Variants in TGOLN2 observed in about 807,000 individuals in gnomAD.
TGOLN2 encodes the protein trans-Golgi network integral membrane protein 2.
Under a neutral mutation model 31.3 loss-of-function variants are expected in TGOLN2, and 19 were observed. The observed-to-expected ratio is 0.61, with a 90% CI of 0.42 to 0.89. The LOEUF (loss-of-function observed/expected upper bound fraction) is 0.89, where lower values mean the gene tolerates loss of function less well. Ranked by LOEUF, TGOLN2 falls within the 40% of genes least tolerant of loss-of-function variation. TGOLN2 has a pLI of 0.00. For missense variants in TGOLN2, 540 were observed against 559.2 expected (o/e 0.97, Z 0.35); for synonymous variants, 222 against 226.7 (o/e 0.98, Z 0.19).
At chr2:85,325,377 T>C (rs905540281) in intron 2 of TGOLN2, among the ~76,000 whole-genome samples, 2 of 152,196 alleles carry the variant, frequency 1.3e-5, no homozygotes, top group African/African-American at 4.8e-5. Flanking sequence ...CAAATGTACT[T>C]TTTCACCCCA....
rs1034116614 is a variant in TGOLN2, at chr2:85,326,639, T to C, written c.1093A>G (p.Ser365Gly). 37 of 1,613,914 alleles carry C rather than the reference T, an allele frequency of 2.3e-5. No individual in the cohort carries two copies. Among genetic ancestry groups the C allele is most frequent in the Non-Finnish European group, 3.1e-5 (37 of 1,179,896 alleles). The change falls in exon 2 of 4, where the codon AGC (serine) becomes GGC (glycine). Residue 365 changes from serine (S) to glycine (G), a missense_variant. By Grantham distance (56) the Ser-to-Gly change is moderately conservative (BLOSUM62 0). Coordinates refer to ENST00000377386, the MANE Select transcript of TGOLN2 (RefSeq NM_006464.4). ...REGTLSDSTG[S>G]EKDDLYPNGS... Reference sequence around the variant, plus strand: ...TTCGGATAAAGGTCATCCTTCTCGCTACCCGTGGAATCCGAAAGTGTCCCT... The same window carrying C: ...TTCGGATAAAGGTCATCCTTCTCGCCACCCGTGGAATCCGAAAGTGTCCCT...
Position 85,327,363 on chromosome 2 carries a change from A to T in TGOLN2, c.369T>A (p.Thr123=). The change falls in exon 2 of 4, where the codon ACT becomes ACA. Residue 123 remains threonine, a synonymous_variant. Transcript: ENST00000377386. ...TCTGCAGCTCCGGATGCGACTTACT[A>T]GTGCTGTCTTTTGTGGTCTGCGCCT... The part of the protein sequence containing the change: ...GSEAQTTKDS[T]SKSHPELQTP... 1 of 1,610,954 alleles carries T rather than the reference A, an allele frequency of 6.2e-7. No individual in the cohort carries two copies. The highest frequency in any genetic ancestry group is 8.5e-7 in the Non-Finnish European group (1 of 1,179,294).
intron 3 of TGOLN2, 109 bp from the exon 4 acceptor site, chr2:85,322,850 ATT>A: frequency 1.3e-6 from 2 of 1,534,406 alleles, no homozygotes; most frequent in Admixed American, 2.6e-5. Context: ...ACACAAAATG[ATT>A]TTTAAAGTTT....
At chr2:85,326,190 T>G (rs1434439058) in intron 2 of TGOLN2, among the ~76,000 whole-genome samples, 1 of 152,226 alleles carries the variant, frequency 6.6e-6, no homozygotes, top group Non-Finnish European at 1.5e-5. Context: ...AACTGTCAAG[T>G]ACTCAGGTCC....
rs1195974372 is a variant in TGOLN2, at chr2:85,320,640, T to C, written c.*2096A>G. The C allele has an allele frequency of 6.6e-6, 1 of 152,144 alleles. No individual in the cohort carries two copies. Among genetic ancestry groups the C allele is most frequent in the African/African-American group, 2.4e-5 (1 of 41,412 alleles). The allele number at this position is 152,144 out of a possible 1,614,324, so 9.4% of individuals were successfully genotyped here. ...CCAGCAGAACTGGGTTCTTTAGGGA[T>C]TAAGCCAAGACAAAGACTTGGGAAT... On this transcript the variant is annotated 3_prime_UTR_variant, in exon 4 of 4. Coordinates refer to ENST00000377386, the MANE Select transcript of TGOLN2 (RefSeq NM_006464.4).
rs1682585481 is a variant in TGOLN2, at chr2:85,322,600, T to C, written c.*136A>G. 3.9e-6 allele frequency: 6 copies of C among 1,526,072 alleles called. No individual in the cohort carries two copies. The highest frequency in any genetic ancestry group is 2.5e-5 in the Admixed American group (1 of 40,400). The allele number at this position is 1,526,072 out of a possible 1,614,324, so 94.5% of individuals were successfully genotyped here. On this transcript the variant is annotated 3_prime_UTR_variant, in exon 4 of 4. Coordinates refer to ENST00000377386, the MANE Select transcript of TGOLN2 (RefSeq NM_006464.4). Reference sequence around the variant, plus strand: ...GTGTCTCTCAGGTCACAGTACTTTTTTCTTCATTTCTTTTGATTTAGAAAC... The same window carrying C: ...GTGTCTCTCAGGTCACAGTACTTTTCTCTTCATTTCTTTTGATTTAGAAAC...
rs200231056 is a variant in TGOLN2, at chr2:85,327,591, G to A, written c.141C>T (p.Ser47=). The change falls in exon 2 of 4, where the codon AGC becomes AGT. Residue 47 remains serine, a synonymous_variant. Transcript: ENST00000377386. ...ACTTGGTAGAGCCTCCAGGCCGTTGGCTCAAGCTGGGGTGGGTGGAGACGT... is the reference window on the plus strand; with the variant it reads ...ACTTGGTAGAGCCTCCAGGCCGTTGACTCAAGCTGGGGTGGGTGGAGACGT... ...AGNVSTHPSL[S]QRPGGSTKSH... The A allele has an allele frequency of 3.7e-5, 60 of 1,614,076 alleles. No homozygotes were observed. The East Asian group carries it at 1.3e-3, about 35-fold the overall frequency.
chr2:85,325,101 C>T, intron 2 of TGOLN2, 103 bp from the exon 3 acceptor site: 1 of 1,064,702 alleles, frequency 9.4e-7, no homozygotes, highest in Non-Finnish European at 1.4e-6. Context: ...TGTTAATGAC[C>T]CTGACTGTAG....
In TGOLN2 at chr2:85,319,263, CGCCTCCCGGATTCAAGCAATTCTCCT is replaced by C. The variant is rs1558667830; in HGVS notation, c.*3447_*3472del. Reference sequence around the variant, plus strand: ...CACGATCTCGGCTCACTGCAACCTCCGCCTCCCGGATTCAAGCAATTCTCCTGCCTCAGCCTATCTAGTAGCTGGGA... The same window carrying C: ...CACGATCTCGGCTCACTGCAACCTCCGCCTCAGCCTATCTAGTAGCTGGGA... On this transcript the variant is annotated 3_prime_UTR_variant, in exon 4 of 4. Transcript: ENST00000377386. 1.3e-5 allele frequency: 2 copies of C among 149,176 alleles called. No homozygotes were observed. The highest frequency in any genetic ancestry group is 5.0e-5 in the African/African-American group (2 of 40,294). 9.2% of individuals were successfully genotyped at this position (149,176 alleles called of 1,614,324 possible). A position where few individuals can be genotyped will look rare whatever the true frequency, so the allele number is the denominator to read the frequency against.
At chr2:85,322,942 C>A in intron 3 of TGOLN2, 1 of 934,512 alleles carries the variant, frequency 1.1e-6, no homozygotes, top group Non-Finnish European at 1.5e-6. Flanking sequence ...CTGTTCTGTA[C>A]TGTTGTGAAT....
rs1573044402 is a variant in TGOLN2 at position 85,320,615 on chromosome 2, C to T, written c.*2121G>A. The T allele has an allele frequency of 6.6e-6, 1 of 152,142 alleles. No homozygotes were observed. Among genetic ancestry groups the T allele is most frequent in the Admixed American group, 6.5e-5 (1 of 15,272 alleles). The allele number at this position is 152,142 out of a possible 1,614,324, so 9.4% of individuals were successfully genotyped here. ...GACAACCAAGCTGAACTATTCGATA[C>T]CAGCAGAACTGGGTTCTTTAGGGAT... On this transcript the variant is annotated 3_prime_UTR_variant, in exon 4 of 4. Transcript: ENST00000377386.
chr2:85,326,737 C>T lies in TGOLN2; in HGVS notation c.995G>A (p.Gly332Glu). 6 of 1,614,026 alleles carry T rather than the reference C, an allele frequency of 3.7e-6. No homozygotes were observed. The highest frequency in any genetic ancestry group is 5.1e-6 in the Non-Finnish European group (6 of 1,179,906). ...EPKEAEDDDT[G>E]PEEGSPPKEE... The stretch of plus-strand genomic sequence containing the variant: ...TTTGGGCGGTGAGCCCTCCTCGGGT[C>T]CTGTATCATCATCTTCAGCCTCTTT... Residue 332 changes from glycine (G) to glutamate (E), a missense_variant, in exon 2 of 4, where the codon GGA becomes GAA. Transcript: ENST00000377386.
Position 85,327,101 on chromosome 2 carries a change from C to T in TGOLN2, c.631G>A (p.Gly211Ser), listed in dbSNP as rs1399567436. The change falls in exon 2 of 4, where the codon GGT (glycine) becomes AGT (serine). Residue 211 changes from glycine (G) to serine (S), a missense_variant. Physicochemically the swap from Gly to Ser is moderately conservative, Grantham distance 56. Coordinates refer to ENST00000377386, the MANE Select transcript of TGOLN2 (RefSeq NM_006464.4). ...QTPKDVPNKSGAEKQTPKDGS... is the reference protein window; with the variant it reads ...QTPKDVPNKSSAEKQTPKDGS... ...TCTTTTGGAGTCTGCTTCTCCGCACCCGACTTGTTAGGGACGTCTTTTGGG... is the reference window on the plus strand; with the variant it reads ...TCTTTTGGAGTCTGCTTCTCCGCACTCGACTTGTTAGGGACGTCTTTTGGG... 2 of 1,613,488 alleles carry T rather than the reference C, an allele frequency of 1.2e-6. No individual in the cohort carries two copies. Among genetic ancestry groups the T allele is most frequent in the South Asian group, 1.1e-5 (1 of 91,062 alleles).
Position 85,327,445 on chromosome 2 carries a change from T to C in TGOLN2, c.287A>G (p.Asn96Ser), listed in dbSNP as rs1325016975. The C allele has an allele frequency of 1.9e-6, 3 of 1,598,290 alleles. No individual in the cohort carries two copies. The highest frequency in any genetic ancestry group is 3.4e-5 in the Admixed American group (2 of 58,732). Residue 96 changes from asparagine to serine, a missense_variant, in exon 2 of 4, where the codon AAC becomes AGC. Coordinates refer to ENST00000377386, the MANE Select transcript of TGOLN2 (RefSeq NM_006464.4). ...GGTCTTTGCCTCCGCACCCGACTTG[T>C]TGGAGCTGTCTTTTTGGGTCTTTGC... ...AEAKTQKDSSNKSGAEAKTQK... is the reference protein window; with the variant it reads ...AEAKTQKDSSSKSGAEAKTQK...
In TGOLN2 at chr2:85,322,445, G is replaced by A. The variant is rs1352130285; in HGVS notation, c.*291C>T. 5 of 522,002 alleles carry A rather than the reference G, an allele frequency of 9.6e-6. No individual in the cohort carries two copies. The highest frequency in any genetic ancestry group is 3.8e-5 in the East Asian group (1 of 26,046). The allele number at this position is 522,002 out of a possible 1,614,324, so 32.3% of individuals were successfully genotyped here. A position where few individuals can be genotyped will look rare whatever the true frequency, so the allele number is the denominator to read the frequency against. On this transcript the variant is annotated 3_prime_UTR_variant, in exon 4 of 4. Coordinates refer to ENST00000377386, the MANE Select transcript of TGOLN2 (RefSeq NM_006464.4). ...TACCCCTCCACTCACCCTCAGAGGA[G>A]GAACGGATGGAAGCCACCAGCATAA...
In TGOLN2 at chr2:85,327,148, T is replaced by G; in HGVS notation, c.584A>C (p.Lys195Thr). The G allele has an allele frequency of 6.2e-7, 1 of 1,613,764 alleles. No individual in the cohort carries two copies. The highest frequency in any genetic ancestry group is 8.5e-7 in the Non-Finnish European group (1 of 1,179,820). The change falls in exon 2 of 4, where the codon AAG becomes ACG. Residue 195 changes from lysine (K) to threonine (T), a missense_variant. Physicochemically the swap from Lys to Thr is moderately conservative, Grantham distance 78. Coordinates refer to ENST00000377386, the MANE Select transcript of TGOLN2 (RefSeq NM_006464.4). The part of the protein sequence containing the change: ...DGQTPKDGSS[K>T]SGAEDQTPKD... ...TGGGGTCTGATCCTCCGCACCCGAC[T>G]TGCTGGAGCCGTCTTTTGGGGTCTG...
rs1310304609 is a variant in TGOLN2, at chr2:85,322,075, A to T, written c.*661T>A. ...AAATCAAGAAGATCTCATGCTAGACAGGTTAGACTTGCACCCAAAAAAGCA... is the reference window on the plus strand; with the variant it reads ...AAATCAAGAAGATCTCATGCTAGACTGGTTAGACTTGCACCCAAAAAAGCA... On this transcript the variant is annotated 3_prime_UTR_variant, in exon 4 of 4. Transcript: ENST00000377386. 2.0e-5 allele frequency: 3 copies of T among 152,494 alleles called. No homozygotes were observed. Among genetic ancestry groups the T allele is most frequent in the African/African-American group, 4.8e-5 (2 of 41,472 alleles). The allele number at this position is 152,494 out of a possible 1,614,324, so 9.4% of individuals were successfully genotyped here.
chr2:85,322,681 A>T lies in TGOLN2; in HGVS notation c.*55T>A. 6.2e-7 allele frequency: 1 copy of T among 1,609,944 alleles called. No homozygotes were observed. The highest frequency in any genetic ancestry group is 8.5e-7 in the Non-Finnish European group (1 of 1,179,154). On this transcript the variant is annotated 3_prime_UTR_variant, in exon 4 of 4. Transcript: ENST00000377386. ...ACAAAAAAATCAAAGCTGAAACGAG[A>T]GCAGCACAATCCATTGGTGACGTTC... is the stretch of plus-strand genomic sequence containing the variant.
chr2:85,326,740 G>A lies in TGOLN2; in HGVS notation c.992C>T (p.Thr331Ile). ...VEPKEAEDDDTGPEEGSPPKE... is the reference protein window; with the variant it reads ...VEPKEAEDDDIGPEEGSPPKE... ...GGGCGGTGAGCCCTCCTCGGGTCCT[G>A]TATCATCATCTTCAGCCTCTTTGGG... The change falls in exon 2 of 4, where the codon ACA becomes ATA. Residue 331 changes from threonine to isoleucine, a missense_variant. Coordinates refer to ENST00000377386, the MANE Select transcript of TGOLN2 (RefSeq NM_006464.4). The A allele has an allele frequency of 6.2e-7, 1 of 1,614,002 alleles. No individual in the cohort carries two copies. Among genetic ancestry groups the A allele is most frequent in the Non-Finnish European group, 8.5e-7 (1 of 1,179,894 alleles).
Sources: gnomAD v4.1 joint callset for allele counts (sites outside exome capture counted in the v4.1 genomes callset) on GRCh38, gnomAD v4.1.1 for gene constraint, MANE v1.5 for transcripts, NCBI Gene and HGNC (gene_info 2026-07-23, HGNC 2026-07-21) for gene names.